The following TTLL1 variants were observed in gnomAD, a reference collection of about 807,000 sequenced individuals.
The protein encoded by TTLL1 is polyglutamylase complex subunit TTLL1.
Under a neutral mutation model 47.8 loss-of-function variants are expected in TTLL1, and 33 were observed. That is an observed-to-expected ratio of 0.69 (90% confidence interval 0.52 to 0.92). The LOEUF (loss-of-function observed/expected upper bound fraction) is 0.92. Among genes scored for constraint, TTLL1 ranks in the 40% least tolerant of loss-of-function variants. TTLL1 has a pLI of 0.00. For missense variants in TTLL1, 488 were observed against 547.5 expected, an observed-to-expected ratio of 0.89 and a Z score of 1.08; for synonymous variants, 225 against 214.1, an observed-to-expected ratio of 1.05 and a Z score of -0.45.
intron 3 of TTLL1, among the ~76,000 whole-genome samples, chr22:43,070,414 C>G (rs1407779324): frequency 6.6e-6 from 1 of 152,106 alleles, no homozygotes; most frequent in Non-Finnish European, 1.5e-5. Flanking sequence ...TCCTCACCAA[C>G]CCCCAGAGAA....
chr22:43,066,885 G>A (rs1407206120), intron 5 of TTLL1, among the ~76,000 whole-genome samples: 1 of 151,998 alleles, frequency 6.6e-6, no homozygotes, highest in Non-Finnish European at 1.5e-5. Context: ...TACTTGGGAG[G>A]CTGAGGTAGG....
intron 3 of TTLL1, chr22:43,070,078 C>T: frequency 8.0e-7 from 1 of 1,243,090 alleles, no homozygotes. Flanking sequence ...TGAGCTGTTT[C>T]CCTCTCTGGC....
At chr22:43,074,916 C>T (rs1359155213) in intron 3 of TTLL1, among the ~76,000 whole-genome samples, 1 of 152,060 alleles carries the variant, frequency 6.6e-6, no homozygotes, top group Non-Finnish European at 1.5e-5. Context: ...TGGCTTAGAC[C>T]TGTAATCCCA....
At chr22:43,068,739 C>G in intron 4 of TTLL1, 149 bp from the exon 5 acceptor site, 1 of 600,990 alleles carries the variant, frequency 1.7e-6, no homozygotes, top group Non-Finnish European at 2.6e-6. Flanking sequence ...CTCTGCTGCA[C>G]AATCCCTGGG....
intron 1 of TTLL1, among the ~76,000 whole-genome samples, chr22:43,082,212 T>C (rs1286633760): frequency 1.3e-5 from 2 of 151,618 alleles, no homozygotes; most frequent in Admixed American, 6.6e-5. Context: ...ATTAATAATA[T>C]CTACAAAGGC....
At chr22:43,074,808 G>C (rs1928374414) in intron 3 of TTLL1, among the ~76,000 whole-genome samples, 2 of 152,190 alleles carry the variant, frequency 1.3e-5, no homozygotes, top group African/African-American at 2.4e-5. Flanking sequence ...GGGAGGCCGA[G>C]ATGGGAAGGT....
chr22:43,056,571 G>C (rs1406187678), intron 8 of TTLL1, among the ~76,000 whole-genome samples: 1 of 149,760 alleles, frequency 6.7e-6, no homozygotes, highest in Non-Finnish European at 1.5e-5. Context: ...ATCACCTCAG[G>C]TCAGGAGTTC....
intron 2 of TTLL1, among the ~76,000 whole-genome samples, chr22:43,077,471 C>A (rs181529645): frequency 6.6e-6 from 1 of 152,174 alleles, no homozygotes; most frequent in Non-Finnish European, 1.5e-5. Context: ...CATCTGCTGT[C>A]CCTGCTGGGG....
At chr22:43,074,100 G>A (rs982008295) in intron 3 of TTLL1, among the ~76,000 whole-genome samples, 6 of 151,704 alleles carry the variant, frequency 4.0e-5, no homozygotes, top group Non-Finnish European at 8.8e-5. Flanking sequence ...CTGGGATTAC[G>A]GGCATGACGG....
chr22:43,057,854 C>A (rs541951272), intron 8 of TTLL1, among the ~76,000 whole-genome samples: 81 of 152,044 alleles, frequency 5.3e-4, no homozygotes, highest in Non-Finnish European at 8.8e-4. Flanking sequence ...CTTCCCAGCT[C>A]CGGGGCCTGG....
At chr22:43,064,044 C>T in intron 6 of TTLL1, 123 bp from the exon 7 acceptor site, 2 of 1,482,198 alleles carry the variant, frequency 1.3e-6, no homozygotes, top group East Asian at 2.3e-5. Flanking sequence ...GGCATCGGGC[C>T]TGACTGCTCT....
chr22:43,085,526 T>C (rs1384615435), intron 1 of TTLL1, among the ~76,000 whole-genome samples: 1 of 152,262 alleles, frequency 6.6e-6, no homozygotes, highest in South Asian at 2.1e-4. Flanking sequence ...TCTTGTGAGA[T>C]CTGATGGTTT....
intron 9 of TTLL1, among the ~76,000 whole-genome samples, chr22:43,048,116 G>GA (rs1167652656): frequency 3.9e-5 from 6 of 151,974 alleles, no homozygotes; most frequent in Non-Finnish European, 8.8e-5. Context: ...AAGAGTTCGA[G>GA]ACCAGCTTGG....
In TTLL1 at chr22:43,039,651, G is replaced by C. The variant is rs1925502274; in HGVS notation, c.*125C>G. On this transcript the variant is annotated 3_prime_UTR_variant, in exon 11 of 11. Transcript: ENST00000266254. ...CAAACAGACTCCATAACCTTCCAAA[G>C]AAGTGCCTTCGTTTATTTACAGGGC... 1 of 1,258,058 alleles carries C rather than the reference G, an allele frequency of 7.9e-7. No individual in the cohort carries two copies. Among genetic ancestry groups the C allele is most frequent in the African/African-American group, 1.5e-5 (1 of 65,012 alleles). The allele number at this position is 1,258,058 out of a possible 1,614,324, so 77.9% of individuals were successfully genotyped here.
At chr22:43,084,357 C>A (rs1929090353) in intron 1 of TTLL1, among the ~76,000 whole-genome samples, 1 of 151,996 alleles carries the variant, frequency 6.6e-6, no homozygotes, top group Non-Finnish European at 1.5e-5. Context: ...ACCATGTTGT[C>A]CAGGCTGGTC....
At chr22:43,074,099 C>T (rs971033697) in intron 3 of TTLL1, among the ~76,000 whole-genome samples, 4 of 151,588 alleles carry the variant, frequency 2.6e-5, no homozygotes, top group East Asian at 3.9e-4. Context: ...GCTGGGATTA[C>T]GGGCATGACG....
At chr22:43,056,401 C>T (rs1385336660) in intron 8 of TTLL1, among the ~76,000 whole-genome samples, 1 of 148,850 alleles carries the variant, frequency 6.7e-6, no homozygotes, top group Non-Finnish European at 1.5e-5. Context: ...ACACATCAAC[C>T]TTGATGCCAT....
intron 8 of TTLL1, among the ~76,000 whole-genome samples, chr22:43,052,693 C>T (rs1926723745): frequency 6.6e-6 from 1 of 151,930 alleles, no homozygotes; most frequent in South Asian, 2.1e-4. Flanking sequence ...GTGCAGTGAG[C>T]CATGATCGTG....
rs186680280 is a variant in TTLL1 at position 43,072,375 on chromosome 22, C to T, written c.114-2531G>A. Among the ~76,000 whole-genome samples the T allele has an allele frequency of 2.0e-5, 3 of 152,146 alleles. No homozygotes were observed. The East Asian group carries it at 5.8e-4, about 29-fold the overall frequency. ...TTCACTGTGTTAGCCTGGATAGTCT[C>T]GATCTCCTGACCTTGTGATCCGCCC... is the stretch of plus-strand genomic sequence containing the variant. On this transcript the variant is annotated intron_variant, in intron 3 of 10. Transcript: ENST00000266254.
Sources: allele counts gnomAD v4.1 joint callset (sites outside exome capture counted in the v4.1 genomes callset), GRCh38; gene constraint gnomAD v4.1.1; transcripts MANE v1.5; gene names NCBI Gene and HGNC (gene_info 2026-07-23, HGNC 2026-07-21).